COBL: variants seen among roughly 807,000 people sequenced by gnomAD.
COBL encodes cordon-bleu WH2 repeat protein.
In COBL, 51 loss-of-function variants were observed where a neutral mutation model predicts 98.8. That is an observed-to-expected ratio of 0.52 (90% CI 0.41 to 0.65). The LOEUF (loss-of-function observed/expected upper bound fraction) is 0.65, where lower values mean the gene tolerates loss of function less well. Ranked by LOEUF, COBL falls within the 30% of genes least tolerant of loss-of-function variation. COBL has a pLI of 0.00. For missense variants in COBL, 1,617 were observed against 1,617.5 expected (o/e 1.00, Z 0.01); for synonymous variants, 634 against 651.7 (o/e 0.97, Z 0.41).
intron 6 of COBL, among the ~76,000 whole-genome samples, chr7:51,110,256 C>A (rs928124623): frequency 6.6e-6 from 1 of 152,130 alleles, no homozygotes; most frequent in Non-Finnish European, 1.5e-5. Context: ...CCCTCTTCCT[C>A]CCTCTCCCCT....
chr7:51,021,766 A>G (rs1352421424), intron 12 of COBL, among the ~76,000 whole-genome samples: 3 of 152,254 alleles, frequency 2.0e-5, no homozygotes, highest in African/African-American at 7.2e-5. Flanking sequence ...GGATCCATGC[A>G]TAGCAGAAAA....
At chr7:51,033,075 AT>A (rs1457884597) in intron 8 of COBL, 11 of 152,296 alleles carry the variant, frequency 7.2e-5, no homozygotes, top group East Asian at 5.8e-4. Context: ...ATTAAAAAAA[AT>A]AATAAGATAA....
intron 6 of COBL, among the ~76,000 whole-genome samples, chr7:51,108,944 ACACACACACACACC>A (rs1386992758): frequency 1.6e-3 from 83 of 51,152 alleles, no homozygotes; most frequent in African/African-American, 3.9e-3. Flanking sequence ...ACACACACAC[ACACACACACACACC>A]CCCTGCCCCA....
At chr7:51,084,011 G>A (rs895217235) in intron 7 of COBL, among the ~76,000 whole-genome samples, 5 of 152,276 alleles carry the variant, frequency 3.3e-5, no homozygotes, top group African/African-American at 4.8e-5. Flanking sequence ...GGCTCTTCAC[G>A]AAACAGGAGA....
rs183721180 is a variant in COBL, at chr7:51,102,930, G to A, written c.958-17626C>T. On this transcript the variant is annotated intron_variant, in intron 6 of 12. Transcript: ENST00000265136. ...GAAGAGGGAAATGGGAGTTGCTGTT[G>A]AAGGGGTACAAAGTTCCACTGATGC... 8.5e-5 allele frequency among the ~76,000 whole-genome samples: 13 copies of A among 152,314 alleles called. No homozygotes were observed. In the East Asian group the frequency reaches 2.5e-3, roughly 29 times the overall value.
At chr7:51,067,956 GAGGGT>G (rs1260291389) in intron 7 of COBL, among the ~76,000 whole-genome samples, 1 of 152,204 alleles carries the variant, frequency 6.6e-6, no homozygotes, top group African/African-American at 2.4e-5. Flanking sequence ...GAGACGGAGT[GAGGGT>G]CAGTGGGCAG....
Position 51,088,963 on chromosome 7 carries a change from C to T in COBL, c.958-3659G>A, listed in dbSNP as rs569297714. 1.1e-4 allele frequency among the ~76,000 whole-genome samples: 17 copies of T among 152,268 alleles called. No homozygotes were observed. In the South Asian group the frequency reaches 3.3e-3, roughly 30 times the overall value. On this transcript the variant is annotated intron_variant, in intron 6 of 12. Transcript: ENST00000265136. ...GTGCCTGATGTCCTGAAGTCAGAGC[C>T]TCTTAGTTCTGCCACTGCAGGGGGT...
chr7:51,264,663 T>C (rs1308840074), intron 1 of COBL, among the ~76,000 whole-genome samples: 17 of 78,458 alleles, frequency 2.2e-4, no homozygotes, highest in East Asian at 4.7e-4. Context: ...AGAGCAAAAC[T>C]CCATCTCCCA....
intron 6 of COBL, among the ~76,000 whole-genome samples, chr7:51,113,758 A>C (rs1797038236): frequency 6.6e-6 from 1 of 152,230 alleles, no homozygotes. Flanking sequence ...CTCAGCACTT[A>C]ATGGTTTAGT....
At chr7:51,273,729 G>A (rs1199281729) in intron 1 of COBL, among the ~76,000 whole-genome samples, 4 of 152,188 alleles carry the variant, frequency 2.6e-5, no homozygotes, top group Admixed American at 2.6e-4. Flanking sequence ...AGTTCTACCA[G>A]AGAGACAAAC....
intron 5 of COBL, among the ~76,000 whole-genome samples, chr7:51,173,748 T>C (rs1187877834): frequency 6.6e-6 from 1 of 152,216 alleles, no homozygotes; most frequent in African/African-American, 2.4e-5. Context: ...AGAACTGCTG[T>C]GTTAGGAGAA....
chr7:51,170,632 G>T (rs1206498128), intron 5 of COBL, among the ~76,000 whole-genome samples: 2 of 150,616 alleles, frequency 1.3e-5, no homozygotes, highest in Admixed American at 1.3e-4. Flanking sequence ...TGTCATTTGT[G>T]TCAGCGTGGA....
In COBL at chr7:51,191,072, C is replaced by A; in HGVS notation, c.463G>T (p.Val155Leu). The stretch of plus-strand genomic sequence containing the variant: ...CGCAGGTAATTCACGACCAAACGCA[C>A]AGATTTCTGGAAGAACACACAGGCA... ...PGPPKVPEKS[V>L]RLVVNYLRTQ... The change falls in exon 4 of 13, where the codon GTG (valine) becomes TTG (leucine). Residue 155 changes from valine (V) to leucine (L), a missense_variant. Transcript: ENST00000265136. 6.2e-7 allele frequency: 1 copy of A among 1,613,880 alleles called. No homozygotes were observed. The highest frequency in any genetic ancestry group is 8.5e-7 in the Non-Finnish European group (1 of 1,179,922).
chr7:51,292,317 C>G (rs10268444), intron 1 of COBL, among the ~76,000 whole-genome samples: 55,799 of 152,036 alleles, frequency 0.37, 10,864 homozygotes, highest in Non-Finnish European at 0.43. Context: ...AATGAATCTT[C>G]AAATCAATGA....
In COBL at chr7:51,316,647, G is replaced by C. The variant is rs1462837375; in HGVS notation, c.-14C>G. 7 of 1,195,280 alleles carry C rather than the reference G, an allele frequency of 5.9e-6. No individual in the cohort carries two copies. The highest frequency in any genetic ancestry group is 4.5e-5 in the Admixed American group (1 of 22,378). 74.0% of individuals were successfully genotyped at this position (1,195,280 alleles called of 1,614,324 possible). On this transcript the variant is annotated 5_prime_UTR_variant, in exon 1 of 13. Coordinates refer to ENST00000265136, the MANE Select transcript of COBL (RefSeq NM_015198.5). ...CGGCGCGTCCATGGTGCCGGGGGCC[G>C]GGACGCGGGCGGTGCTCCGGGCCCG...
rs57261676 is a variant in COBL, at chr7:51,122,982, CAA to C, written c.957+13174_957+13175del. On this transcript the variant is annotated intron_variant, in intron 6 of 12. Transcript: ENST00000265136. ...TGGGCGACAGAGCGAGACTCCATCT[CAA>C]AAAAAAAAAAAAAATTGAATGACAT... Among the ~76,000 whole-genome samples the C allele has an allele frequency of 7.3e-3, 1,027 of 139,904 alleles. 12 individuals are homozygous for C. Among genetic ancestry groups the C allele is most frequent in the African/African-American group, 0.025 (940 of 37,520 alleles). 91.8% of individuals were successfully genotyped at this position (139,904 alleles called of 152,430 possible).
intron 8 of COBL, chr7:51,035,039 A>C (rs1377133662): frequency 6.6e-6 from 1 of 152,232 alleles, no homozygotes; most frequent in African/African-American, 2.4e-5. Context: ...TTCAAACCAG[A>C]GTCTGCCCAG....
intron 1 of COBL, among the ~76,000 whole-genome samples, chr7:51,237,504 A>G (rs1795366151): frequency 6.6e-6 from 1 of 151,308 alleles, no homozygotes; most frequent in Admixed American, 6.6e-5. Flanking sequence ...CTCAATATAC[A>G]TAAACTGTGA....
Position 51,025,340 on chromosome 7 carries a change from G to A in COBL, c.3537C>T (p.Ser1179=), listed in dbSNP as rs149902151. Residue 1179 remains serine, a synonymous_variant, in exon 12 of 13, where the codon AGC becomes AGT. Transcript: ENST00000265136. Reference sequence around the variant, plus strand: ...GAGCAGAGAGTGCGGCATCTCGGAAGCTCTGGAGCTCCTCAGAAGCAGAGG... The same window carrying A: ...GAGCAGAGAGTGCGGCATCTCGGAAACTCTGGAGCTCCTCAGAAGCAGAGG... The part of the protein sequence containing the change: ...VASSASEELQ[S]FRDAALSAQG... The A allele has an allele frequency of 7.3e-4, 1,172 of 1,613,432 alleles. 7 individuals are homozygous for A. The African/African-American group carries it at 0.014, about 19-fold the overall frequency.
Sources: allele counts gnomAD v4.1 joint callset (sites outside exome capture counted in the v4.1 genomes callset), GRCh38; gene constraint gnomAD v4.1.1; transcripts MANE v1.5; gene names NCBI Gene and HGNC (gene_info 2026-07-23, HGNC 2026-07-21).